Variants in PDE10A observed in about 807,000 individuals in gnomAD.
PDE10A encodes the protein phosphodiesterase 10A, also known as cAMP and cAMP-inhibited cGMP 3',5'-cyclic phosphodiesterase 10A.
In PDE10A, 39 loss-of-function variants were observed where a neutral mutation model predicts 97.7. The observed-to-expected ratio is 0.40, with a 90% CI of 0.31 to 0.52. The LOEUF is 0.52. PDE10A is among the 20% of genes least tolerant of loss of function. The probability of loss-of-function intolerance (pLI) is 0.56; values close to 1 mark genes in which losing one functional copy is unlikely to be tolerated. For synonymous variants in PDE10A, 371 were observed against 376.8 expected, an observed-to-expected ratio of 0.98 and a Z score of 0.18; for missense variants, 731 against 1,047.8, an observed-to-expected ratio of 0.70 and a Z score of 4.17.
intron 1 of PDE10A, among the ~76,000 whole-genome samples, chr6:165,785,178 T>C (rs9355547): frequency 0.64 from 97,397 of 152,074 alleles, 31,350 homozygotes; most frequent in African/African-American, 0.71. Context: ...ATCTAGAAAA[T>C]GGACTTAGGG....
In PDE10A at chr6:165,450,335, C is replaced by T. The variant is rs1390954219; in HGVS notation, c.1051G>A (p.Val351Ile). Residue 351 changes from valine (V) to isoleucine (I), a missense_variant, in exon 4 of 22, where the codon GTA (valine) becomes ATA (isoleucine). This residue lies in a region of PDE10A where 152 missense variants were observed against 199.3 expected (regional missense o/e 0.76). Transcript: ENST00000539869. The part of the protein sequence containing the change: ...RYQDTNMQGV[V>I]YELNSYIEQR... ...TCTATATAGCTGTTTAGTTCATATA[C>T]AACTCCCTGCATATTCGTATCTTGG... 4 of 1,559,826 alleles carry T rather than the reference C, an allele frequency of 2.6e-6. No homozygotes were observed. Among genetic ancestry groups the T allele is most frequent in the East Asian group, 4.5e-5 (2 of 44,444 alleles).
intron 2 of PDE10A, among the ~76,000 whole-genome samples, chr6:165,502,823 G>T (rs1047983966): frequency 5.9e-5 from 9 of 152,178 alleles, no homozygotes; most frequent in African/African-American, 1.9e-4. Flanking sequence ...ATCAGAGGTT[G>T]CCAGGAACTA....
At chr6:165,920,048 T>G (rs1292866518) in intron 1 of PDE10A, among the ~76,000 whole-genome samples, 1 of 152,258 alleles carries the variant, frequency 6.6e-6, no homozygotes, top group Non-Finnish European at 1.5e-5. Flanking sequence ...TACTGTTTCT[T>G]TGCTGCCTGT....
intron 1 of PDE10A, among the ~76,000 whole-genome samples, chr6:165,553,257 A>G (rs928147749): frequency 6.6e-6 from 1 of 152,138 alleles, no homozygotes; most frequent in Non-Finnish European, 1.5e-5. Flanking sequence ...TTTTAAAGGC[A>G]AAGTCATTTA....
At chr6:165,896,772 T>C (rs1247842862) in intron 1 of PDE10A, among the ~76,000 whole-genome samples, 1 of 151,974 alleles carries the variant, frequency 6.6e-6, no homozygotes, top group African/African-American at 2.4e-5. Flanking sequence ...GATCCACCTG[T>C]CTCGGCCTCC....
chr6:165,343,253 G>A, intron 19 of PDE10A, 138 bp downstream of exon 19: 1 of 660,190 alleles, frequency 1.5e-6, no homozygotes, highest in South Asian at 1.8e-5. Context: ...CTGCATAAGT[G>A]CTAAATCCTT....
chr6:165,689,331 T>C (rs376903006), intron 1 of PDE10A, among the ~76,000 whole-genome samples: 1 of 152,182 alleles, frequency 6.6e-6, no homozygotes, highest in Admixed American at 6.5e-5. Context: ...ATGAATCCCC[T>C]AGAGAGTGCA....
intron 1 of PDE10A, among the ~76,000 whole-genome samples, chr6:165,796,668 A>T (rs368434302): frequency 6.6e-6 from 1 of 151,848 alleles, no homozygotes; most frequent in Non-Finnish European, 1.5e-5. Flanking sequence ...TCTACAATCA[A>T]CTCTCCTCAA....
intron 2 of PDE10A, among the ~76,000 whole-genome samples, chr6:165,535,836 T>C (rs1172410894): frequency 6.6e-6 from 1 of 151,574 alleles, no homozygotes; most frequent in Non-Finnish European, 1.5e-5. Context: ...AGCAAAAAAA[T>C]ATGGAATTAT....
chr6:165,361,501 G>C (rs1437974246), intron 18 of PDE10A, among the ~76,000 whole-genome samples: 1 of 152,190 alleles, frequency 6.6e-6, no homozygotes, highest in Non-Finnish European at 1.5e-5. Flanking sequence ...CAGTTCCTCA[G>C]AACGTGACCT....
intron 1 of PDE10A, among the ~76,000 whole-genome samples, chr6:165,763,942 T>C (rs1467726352): frequency 6.6e-6 from 1 of 152,228 alleles, no homozygotes; most frequent in African/African-American, 2.4e-5. Flanking sequence ...GGATAAGTTA[T>C]TATTATCCCC....
chr6:165,941,276 CT>C (rs1783509063), intron 1 of PDE10A, among the ~76,000 whole-genome samples: 1 of 152,182 alleles, frequency 6.6e-6, no homozygotes, highest in Non-Finnish European at 1.5e-5. Flanking sequence ...TTCATTAATA[CT>C]ACATCCAAAG....
chr6:165,385,632 G>T (rs1165834581), intron 17 of PDE10A, among the ~76,000 whole-genome samples: 1 of 152,188 alleles, frequency 6.6e-6, no homozygotes, highest in Admixed American at 6.5e-5. Flanking sequence ...TTATTAAATT[G>T]GATTTCAGGG....
At chr6:165,340,189 T>C (rs1280595918) in intron 19 of PDE10A, among the ~76,000 whole-genome samples, 1 of 152,254 alleles carries the variant, frequency 6.6e-6, no homozygotes, top group Non-Finnish European at 1.5e-5. Context: ...TTAAAGATTT[T>C]AGAAATTATC....
At chr6:165,814,286 G>A (rs78763626) in intron 1 of PDE10A, among the ~76,000 whole-genome samples, 2 of 152,172 alleles carry the variant, frequency 1.3e-5, no homozygotes, top group Non-Finnish European at 2.9e-5. Flanking sequence ...TTAGCACCCG[G>A]CTGCTCATAT....
At chr6:165,581,654 A>G (rs1040981025) in intron 1 of PDE10A, among the ~76,000 whole-genome samples, 2 of 152,262 alleles carry the variant, frequency 1.3e-5, no homozygotes, top group African/African-American at 4.8e-5. Context: ...GCTTAAAAGT[A>G]TGATAAACAG....
chr6:165,875,746 T>TTTTTTTGTG (rs780504850), intron 1 of PDE10A, among the ~76,000 whole-genome samples: 87 of 147,074 alleles, frequency 5.9e-4, no homozygotes, highest in Non-Finnish European at 1.1e-3. Flanking sequence ...TTTTTTTTTT[T>TTTTTTTGTG]TGTGTGTGTG....
rs1041606320 is a variant in PDE10A, at chr6:165,662,576, C to T, written c.236G>A (p.Gly79Glu). ...GCGCGCAGAGAGGGCGCCGGGGCCC[C>T]CAGCGGGGCTGGGGCGGCCTGCGGA... ...LSSAGRPSPA[G>E]GPGALSARGG... Residue 79 changes from glycine to glutamate, a missense_variant, in exon 1 of 22, where the codon GGG becomes GAG. Coordinates refer to ENST00000539869, the MANE Select transcript of PDE10A (RefSeq NM_001385079.1). 9 of 146,560 alleles carry T rather than the reference C, an allele frequency of 6.1e-5. No homozygotes were observed. Among genetic ancestry groups the T allele is most frequent in the African/African-American group, 2.2e-4 (9 of 40,660 alleles). 9.1% of individuals were successfully genotyped at this position (146,560 alleles called of 1,614,324 possible). A position where few individuals can be genotyped will look rare whatever the true frequency, so the allele number is the denominator to read the frequency against.
At chr6:165,786,048 G>C (rs1471712890) in intron 1 of PDE10A, among the ~76,000 whole-genome samples, 2 of 152,180 alleles carry the variant, frequency 1.3e-5, no homozygotes, top group African/African-American at 4.8e-5. Flanking sequence ...AATGAGTTGC[G>C]ACTTCCTAAA....
Sources: gnomAD v4.1 joint callset for allele counts (sites outside exome capture counted in the v4.1 genomes callset) on GRCh38, gnomAD v4.1.1 for gene constraint, gnomAD v4.1.1 regional missense constraint, MANE v1.5 for transcripts, NCBI Gene and HGNC (gene_info 2026-07-23, HGNC 2026-07-21) for gene names.